Variants in PPP1R9A observed in about 807,000 individuals in gnomAD.
PPP1R9A encodes neurabin-1.
In PPP1R9A, 59 loss-of-function variants were observed where a neutral mutation model predicts 141.9. The ratio of observed to expected loss-of-function variants is 0.42; its 90% CI spans 0.34 to 0.52. PPP1R9A has a LOEUF of 0.52. Among genes scored for constraint, PPP1R9A ranks in the 20% least tolerant of loss-of-function variants. The probability of loss-of-function intolerance (pLI) is 0.10; values close to 1 mark genes in which losing one functional copy is unlikely to be tolerated. For missense variants in PPP1R9A, 1,444 were observed against 1,611.9 expected (o/e 0.90, Z 1.78); for synonymous variants, 500 against 569.7 (o/e 0.88, Z 1.74).
At chr7:95,003,267 C>A (rs1156494723) in intron 2 of PPP1R9A, among the ~76,000 whole-genome samples, 1 of 152,094 alleles carries the variant, frequency 6.6e-6, no homozygotes, top group Admixed American at 6.6e-5. Flanking sequence ...ATTATTCTTA[C>A]ACGTCTCCAT....
intron 8 of PPP1R9A, among the ~76,000 whole-genome samples, chr7:95,241,681 C>T (rs1055324466): frequency 7.9e-5 from 12 of 151,856 alleles, no homozygotes; most frequent in Non-Finnish European, 1.3e-4. Flanking sequence ...TAAAAAAATT[C>T]GACATTTCTC....
chr7:94,912,336 G>A (rs1398691181), intron 2 of PPP1R9A, among the ~76,000 whole-genome samples: 1 of 152,138 alleles, frequency 6.6e-6, no homozygotes, highest in East Asian at 1.9e-4. Context: ...TGGCAATAGG[G>A]GCAGGAGGTG....
intron 10 of PPP1R9A, 132 bp downstream of exon 10, chr7:95,250,387 C>T (rs1158708986): frequency 3.9e-6 from 3 of 763,780 alleles, no homozygotes; most frequent in African/African-American, 3.5e-5. Flanking sequence ...AGCATAGTTA[C>T]AGCATAAATA....
At chr7:94,938,904 C>T (rs1428662861) in intron 2 of PPP1R9A, among the ~76,000 whole-genome samples, 1 of 152,144 alleles carries the variant, frequency 6.6e-6, no homozygotes, top group Admixed American at 6.6e-5. Flanking sequence ...ATCTTAGACA[C>T]GTATCGTGAT....
chr7:95,222,719 C>T (rs1222499476), intron 7 of PPP1R9A, among the ~76,000 whole-genome samples: 1 of 151,922 alleles, frequency 6.6e-6, no homozygotes, highest in Non-Finnish European at 1.5e-5. Flanking sequence ...AATGGAAATA[C>T]TTTGTTATAG....
chr7:95,162,001 G>A (rs371053367), intron 5 of PPP1R9A, 30 bp downstream of exon 5: 36 of 1,369,518 alleles, frequency 2.6e-5, no homozygotes, highest in Non-Finnish European at 3.7e-5. Flanking sequence ...TATACACCAT[G>A]TTGTTACTTT....
Position 95,098,790 on chromosome 7 carries a change from G to A in PPP1R9A, c.1396-12469G>A, listed in dbSNP as rs116241555. On this transcript the variant is annotated intron_variant, in intron 2 of 19. Transcript: ENST00000433360. Reference sequence around the variant, plus strand: ...TCTTCCCAAGGTACTCAAGACCTCAGAGTTTAATGTTTGCTTTTCATGATA... The same window carrying A: ...TCTTCCCAAGGTACTCAAGACCTCAAAGTTTAATGTTTGCTTTTCATGATA... 2.5e-3 allele frequency among the ~76,000 whole-genome samples: 376 copies of A among 152,274 alleles called. 1 individual carries two copies. The highest frequency in any genetic ancestry group is 0.01 in the Middle Eastern group (3 of 294).
intron 2 of PPP1R9A, among the ~76,000 whole-genome samples, chr7:94,997,616 T>A (rs768402782): frequency 2.0e-5 from 3 of 152,190 alleles, no homozygotes; most frequent in Non-Finnish European, 4.4e-5. Flanking sequence ...GTGAGACCAC[T>A]GGGAATTATT....
At chr7:95,115,317 A>G (rs983675093) in intron 3 of PPP1R9A, among the ~76,000 whole-genome samples, 16 of 152,176 alleles carry the variant, frequency 1.1e-4, no homozygotes, top group Non-Finnish European at 1.8e-4. Context: ...CAAAATTTGA[A>G]TTACCAGAAT....
intron 2 of PPP1R9A, among the ~76,000 whole-genome samples, chr7:95,105,966 T>G (rs1819449449): frequency 6.6e-6 from 1 of 152,128 alleles, no homozygotes; most frequent in Non-Finnish European, 1.5e-5. Flanking sequence ...AACATGTTTA[T>G]GAAAGAGAGT....
At chr7:94,989,789 T>C (rs1361879608) in intron 2 of PPP1R9A, among the ~76,000 whole-genome samples, 3 of 152,112 alleles carry the variant, frequency 2.0e-5, no homozygotes, top group African/African-American at 7.2e-5. Flanking sequence ...TTATACAGAT[T>C]ATTTCATACG....
At chr7:95,069,266 AAT>A (rs1198615540) in intron 2 of PPP1R9A, among the ~76,000 whole-genome samples, 1 of 152,120 alleles carries the variant, frequency 6.6e-6, no homozygotes, top group Admixed American at 6.6e-5. Context: ...AAGAATCAGA[AAT>A]GTGGAGGGGG....
intron 19 of PPP1R9A, among the ~76,000 whole-genome samples, chr7:95,289,021 A>T (rs1490447438): frequency 6.6e-6 from 1 of 152,280 alleles, no homozygotes; most frequent in Non-Finnish European, 1.5e-5. Context: ...ATGAGTTTTA[A>T]TAATGGCCAC....
chr7:95,045,223 G>A (rs1584421689), intron 2 of PPP1R9A, among the ~76,000 whole-genome samples: 2 of 152,282 alleles, frequency 1.3e-5, no homozygotes, highest in South Asian at 4.1e-4. Context: ...AGAGACCAAG[G>A]CAAGTTTCCG....
At chr7:95,241,020 G>C (rs1399247529) in intron 8 of PPP1R9A, among the ~76,000 whole-genome samples, 1 of 152,046 alleles carries the variant, frequency 6.6e-6, no homozygotes, top group Non-Finnish European at 1.5e-5. Context: ...GGGATATTTA[G>C]GTGCCTCGTG....
chr7:95,099,698 A>T (rs969463515), intron 2 of PPP1R9A, among the ~76,000 whole-genome samples: 3 of 152,216 alleles, frequency 2.0e-5, no homozygotes, highest in African/African-American at 7.2e-5. Context: ...CTTAAAATTT[A>T]TTAAAAATCA....
intron 3 of PPP1R9A, among the ~76,000 whole-genome samples, chr7:95,116,740 A>G (rs76418193): frequency 0.016 from 2,465 of 152,332 alleles, 27 homozygotes; most frequent in Non-Finnish European, 0.025. Flanking sequence ...AGGAATATGA[A>G]TGACTTAATT....
At chr7:94,925,970 C>T (rs368034025) in intron 2 of PPP1R9A, among the ~76,000 whole-genome samples, 4 of 151,932 alleles carry the variant, frequency 2.6e-5, no homozygotes, top group African/African-American at 7.3e-5. Flanking sequence ...GGATTACAGG[C>T]GTGCGCTGCC....
At chr7:95,099,898 A>G (rs1287749177) in intron 2 of PPP1R9A, among the ~76,000 whole-genome samples, 1 of 152,172 alleles carries the variant, frequency 6.6e-6, no homozygotes, top group Admixed American at 6.5e-5. Context: ...TATGTTGTCA[A>G]AAGCAAGAGA....
Sources: allele counts gnomAD v4.1 joint callset (sites outside exome capture counted in the v4.1 genomes callset), GRCh38; gene constraint gnomAD v4.1.1; transcripts MANE v1.5; gene names NCBI Gene and HGNC (gene_info 2026-07-23, HGNC 2026-07-21).